Variants in CDH23 observed in about 807,000 individuals in gnomAD.
CDH23 encodes cadherin related 23.
CDH23 carries 189 observed loss-of-function variants against 317.1 expected under a neutral mutation model. The observed-to-expected ratio is 0.60, with a 90% CI of 0.53 to 0.67. The LOEUF (loss-of-function observed/expected upper bound fraction) is 0.67, where lower values mean the gene tolerates loss of function less well. Among genes scored for constraint, CDH23 ranks in the 30% least tolerant of loss-of-function variants. The pLI is 0.00. For missense variants in CDH23, 4,401 were observed against 4,592.4 expected, an observed-to-expected ratio of 0.96 and a Z score of 1.20; for synonymous variants, 1,839 against 1,876.8, an observed-to-expected ratio of 0.98 and a Z score of 0.52.
Position 71,815,393 on chromosome 10 carries a change from C to CA in CDH23, c.*117dup, listed in dbSNP as rs886047145. ...ACCCTCCAAGGCCAGGCCTTGGGGA[C>CA]AACCTTGGCTTGGCCCTGGCAGCCC... On this transcript the variant is annotated 3_prime_UTR_variant, in exon 70 of 70. Transcript: ENST00000224721. 6.3e-5 allele frequency: 66 copies of CA among 1,055,784 alleles called. 1 individual carries two copies. The highest frequency in any genetic ancestry group is 3.0e-5 in the Admixed American group (1 of 33,386). 65.4% of individuals were successfully genotyped at this position (1,055,784 alleles called of 1,614,324 possible).
intron 11 of CDH23, among the ~76,000 whole-genome samples, chr10:71,640,854 A>G (rs1054232663): frequency 1.2e-4 from 19 of 152,348 alleles, no homozygotes; most frequent in African/African-American, 4.6e-4. Flanking sequence ...TTGCATTTCT[A>G]ACAAGCTCCA....
At chr10:71,404,798 G>A (rs905912520) in intron 1 of CDH23, among the ~76,000 whole-genome samples, 1 of 152,356 alleles carries the variant, frequency 6.6e-6, no homozygotes, top group East Asian at 1.9e-4. Flanking sequence ...TCTTCCTGGA[G>A]ATGCATCTTC....
chr10:71,492,845 T>C (rs115443751), intron 3 of CDH23, among the ~76,000 whole-genome samples: 2,735 of 152,274 alleles, frequency 0.018, 65 homozygotes, highest in African/African-American at 0.055. Flanking sequence ...GGGGGGCTCG[T>C]GGCCTCTTCC....
chr10:71,598,466 G>A (rs1193338235), intron 9 of CDH23, among the ~76,000 whole-genome samples: 1 of 152,234 alleles, frequency 6.6e-6, no homozygotes, highest in Non-Finnish European at 1.5e-5. Flanking sequence ...TATGCCCAGA[G>A]TTTGGAGTGG....
rs727504910 is a variant in CDH23, at chr10:71,677,601, G to A, written c.1660G>A (p.Val554Ile). 1.2e-6 allele frequency: 2 copies of A among 1,606,512 alleles called. No homozygotes were observed. The highest frequency in any genetic ancestry group is 2.2e-5 in the South Asian group (2 of 89,066). ...CCGGGTCAGGATCAATGTGTTGGAT[G>A]TCAACGACAACGTGCCCACCTTCCA... ...TGRVRINVLD[V>I]NDNVPTFQKD... Residue 554 changes from valine to isoleucine, a missense_variant, in exon 16 of 70, where the codon GTC becomes ATC. Coordinates refer to ENST00000224721, the MANE Select transcript of CDH23 (RefSeq NM_022124.6).
At chr10:71,475,279 G>C (rs1156707296) in intron 3 of CDH23, among the ~76,000 whole-genome samples, 1 of 152,216 alleles carries the variant, frequency 6.6e-6, no homozygotes, top group Non-Finnish European at 1.5e-5. Flanking sequence ...TCTCCAGCCT[G>C]CTGGGACCTC....
At chr10:71,490,023 G>C (rs182822340) in intron 3 of CDH23, among the ~76,000 whole-genome samples, 2 of 148,814 alleles carry the variant, frequency 1.3e-5, no homozygotes, top group Non-Finnish European at 2.9e-5. Flanking sequence ...GCCTGCTTGA[G>C]GGGGGTGTTT....
chr10:71,646,742 T>A (rs754789115), intron 14 of CDH23, 125 bp downstream of exon 14: 12 of 1,606,598 alleles, frequency 7.5e-6, no homozygotes, highest in Non-Finnish European at 1.0e-5. Context: ...ATCCCTGAGC[T>A]GTGTTTGTTG....
chr10:71,543,526 C>A (rs1255246412), intron 6 of CDH23, among the ~76,000 whole-genome samples: 3 of 152,206 alleles, frequency 2.0e-5, no homozygotes, highest in Admixed American at 6.5e-5. Flanking sequence ...TCCTGTTCAC[C>A]CAGTTCCGCA....
chr10:71,737,147 G>A (rs1274673207), intron 34 of CDH23, among the ~76,000 whole-genome samples: 2 of 152,134 alleles, frequency 1.3e-5, no homozygotes, highest in Non-Finnish European at 2.9e-5. Context: ...TCAAATGGGC[G>A]GACTGGGGCT....
At chr10:71,814,876 G>C in intron 69 of CDH23, 76 bp from the exon 70 acceptor site, 1 of 1,469,752 alleles carries the variant, frequency 6.8e-7, no homozygotes, top group Non-Finnish European at 9.1e-7. Context: ...CACATAGCCA[G>C]TGGGTCTCTG....
intron 3 of CDH23, among the ~76,000 whole-genome samples, chr10:71,455,352 A>T (rs1231874966): frequency 6.6e-6 from 1 of 151,278 alleles, no homozygotes; most frequent in African/African-American, 2.5e-5. Context: ...TTTCCCACTA[A>T]TGTTTTTTTT....
intron 9 of CDH23, among the ~76,000 whole-genome samples, chr10:71,605,080 A>G (rs934572745): frequency 2.0e-5 from 3 of 152,148 alleles, no homozygotes; most frequent in East Asian, 3.8e-4. Context: ...ACCATCAAAC[A>G]CTGGGGGGTA....
chr10:71,489,116 A>G (rs902840324), intron 3 of CDH23, among the ~76,000 whole-genome samples: 6 of 152,102 alleles, frequency 3.9e-5, no homozygotes, highest in Non-Finnish European at 7.4e-5. Flanking sequence ...TCTTTAATCT[A>G]TGGAGTTTTT....
intron 1 of CDH23, among the ~76,000 whole-genome samples, chr10:71,423,113 G>C (rs902515180): frequency 6.6e-6 from 1 of 152,206 alleles, no homozygotes; most frequent in Non-Finnish European, 1.5e-5. Flanking sequence ...CAATCAGGGT[G>C]AAATAGGCAT....
At chr10:71,437,559 C>A (rs535141866) in intron 1 of CDH23, among the ~76,000 whole-genome samples, 5 of 152,326 alleles carry the variant, frequency 3.3e-5, no homozygotes, top group African/African-American at 1.2e-4. Flanking sequence ...TCAAAGTAAA[C>A]AGTAGCCTCA....
intron 7 of CDH23, 106 bp from the exon 8 acceptor site, chr10:71,570,684 G>A: frequency 7.6e-7 from 1 of 1,316,776 alleles, no homozygotes; most frequent in Non-Finnish European, 1.1e-6. Context: ...GCATGTGTTT[G>A]CACTTATGTG....
At position 71,762,022 on chromosome 10, in the gene CDH23, C is replaced by A. The variant is rs146801768; in HGVS notation, c.4846-15658C>A. 4.4e-6 allele frequency: 7 copies of A among 1,595,942 alleles called. No homozygotes were observed. The South Asian group carries it at 6.8e-5, about 15-fold the overall frequency. On this transcript the variant is annotated intron_variant, in intron 38 of 69. Transcript: ENST00000224721. ...GCGTGGCGACCTTGAAGGCTGCCACCGGACCTGCTCAGAGAGAGGAGAGCC... is the reference window on the plus strand; with the variant it reads ...GCGTGGCGACCTTGAAGGCTGCCACAGGACCTGCTCAGAGAGAGGAGAGCC...
At chr10:71,622,759 C>T (rs1487849541) in intron 11 of CDH23, among the ~76,000 whole-genome samples, 1 of 152,128 alleles carries the variant, frequency 6.6e-6, no homozygotes, top group Non-Finnish European at 1.5e-5. Flanking sequence ...CACTCCTGAC[C>T]CCCAGCTTCT....
Sources: allele counts gnomAD v4.1 joint callset (sites outside exome capture counted in the v4.1 genomes callset), GRCh38; gene constraint gnomAD v4.1.1; transcripts MANE v1.5; gene names NCBI Gene and HGNC (gene_info 2026-07-23, HGNC 2026-07-21).